Variants in SEM1 observed in about 807,000 individuals in gnomAD.
The protein encoded by SEM1 is SEM1 26S proteasome subunit.
A neutral mutation model predicts 12.7 loss-of-function variants in SEM1; 3 were observed. The ratio of observed to expected loss-of-function variants is 0.24; its 90% CI spans 0.11 to 0.61. SEM1 has a LOEUF of 0.61. Ranked by LOEUF, SEM1 falls within the 20% of genes least tolerant of loss-of-function variation. The pLI, the probability that SEM1 is intolerant of heterozygous loss-of-function variation, is 0.88. For synonymous variants in SEM1, 30 were observed against 27.8 expected, an observed-to-expected ratio of 1.08 and a Z score of -0.25; for missense variants, 59 against 81.3, an observed-to-expected ratio of 0.73 and a Z score of 1.06.
chr7:96,677,419 G>C (rs186175268), intron 2 of SEM1, among the ~76,000 whole-genome samples: 110 of 152,280 alleles, frequency 7.2e-4, no homozygotes, highest in African/African-American at 2.3e-3. Flanking sequence ...TTCTTCTCTA[G>C]CAGTTTGTGT....
At chr7:96,664,648 C>T (rs988828913) in intron 2 of SEM1, among the ~76,000 whole-genome samples, 1 of 152,154 alleles carries the variant, frequency 6.6e-6, no homozygotes, top group Non-Finnish European at 1.5e-5. Context: ...TGTTCACAGA[C>T]TCAGGGGGTT....
At chr7:96,615,194 A>G (rs943846097) in intron 2 of SEM1, among the ~76,000 whole-genome samples, 9 of 145,854 alleles carry the variant, frequency 6.2e-5, no homozygotes, top group Admixed American at 4.8e-4. Flanking sequence ...ACCAGTTTCC[A>G]TCATCCTCTT....
At chr7:96,512,917 A>G (rs775385040) in intron 2 of SEM1, among the ~76,000 whole-genome samples, 1 of 152,156 alleles carries the variant, frequency 6.6e-6, no homozygotes, top group Non-Finnish European at 1.5e-5. Flanking sequence ...TGAAGAGCAT[A>G]AACCACGTTT....
At chr7:96,700,953 A>C (rs931775727) in intron 1 of SEM1, among the ~76,000 whole-genome samples, 10 of 152,190 alleles carry the variant, frequency 6.6e-5, no homozygotes, top group Non-Finnish European at 1.2e-4. Flanking sequence ...AAAAACATTT[A>C]ATGGCAATTT....
chr7:96,544,423 G>A (rs181098133), intron 2 of SEM1, among the ~76,000 whole-genome samples: 15 of 152,004 alleles, frequency 9.9e-5, no homozygotes, highest in Non-Finnish European at 1.5e-4. Flanking sequence ...ATTATAAAGC[G>A]CTATAGAGAA....
intron 2 of SEM1, among the ~76,000 whole-genome samples, chr7:96,538,686 A>C (rs1407904037): frequency 6.6e-6 from 1 of 151,788 alleles, no homozygotes; most frequent in Non-Finnish European, 1.5e-5. Context: ...ATATACTCCC[A>C]TTGTTTAGGC....
intron 2 of SEM1, among the ~76,000 whole-genome samples, chr7:96,554,407 G>C (rs1034670580): frequency 7.3e-6 from 1 of 137,238 alleles, no homozygotes; most frequent in Non-Finnish European, 1.6e-5. Flanking sequence ...TAGCATGAAG[G>C]GTTGTTGTAT....
At chr7:96,549,717 T>A (rs995040952) in intron 2 of SEM1, among the ~76,000 whole-genome samples, 1 of 152,192 alleles carries the variant, frequency 6.6e-6, no homozygotes, top group African/African-American at 2.4e-5. Flanking sequence ...CCTTAAGTAT[T>A]TCCAGATATA....
chr7:96,607,026 T>C (rs1807401793), intron 2 of SEM1, among the ~76,000 whole-genome samples: 1 of 152,210 alleles, frequency 6.6e-6, no homozygotes, highest in South Asian at 2.1e-4. Flanking sequence ...TTATGGTGTT[T>C]ATACATTTCT....
At chr7:96,549,895 C>T (rs12530918) in intron 2 of SEM1, among the ~76,000 whole-genome samples, 92,587 of 151,150 alleles carry the variant, frequency 0.61, 29,037 homozygotes, top group Non-Finnish European at 0.69. Flanking sequence ...TGCACAATAG[C>T]ATTTCGGCTA....
chr7:96,683,928 A>T (rs930790118), downstream of SEM1, among the ~76,000 whole-genome samples: 1 of 152,108 alleles, frequency 6.6e-6, no homozygotes, highest in Admixed American at 6.6e-5. Context: ...CCTAATGTAG[A>T]TGATGGGTTG....
chr7:96,527,795 T>C (rs1804514352), intron 2 of SEM1, among the ~76,000 whole-genome samples: 1 of 152,166 alleles, frequency 6.6e-6, no homozygotes, highest in South Asian at 2.1e-4. Flanking sequence ...GCTGTTGGTT[T>C]CTCTCCTGAG....
downstream of SEM1, among the ~76,000 whole-genome samples, chr7:96,684,324 G>T (rs965995071): frequency 2.6e-5 from 4 of 152,022 alleles, no homozygotes; most frequent in Non-Finnish European, 5.9e-5. Flanking sequence ...GTCCATCCTT[G>T]TATCCAATCA....
chr7:96,519,469 T>C (rs983948048), intron 2 of SEM1, among the ~76,000 whole-genome samples: 1 of 152,008 alleles, frequency 6.6e-6, no homozygotes, highest in African/African-American at 2.4e-5. Context: ...AAAGGGTAGA[T>C]CAAGGTAAGT....
intron 2 of SEM1, among the ~76,000 whole-genome samples, chr7:96,537,659 A>C (rs1325408230): frequency 6.6e-6 from 1 of 151,224 alleles, no homozygotes; most frequent in Non-Finnish European, 1.5e-5. Flanking sequence ...TCCTTGCCCC[A>C]CTTTGGCTTC....
chr7:96,679,039 ACTT>A (rs753356044), intron 2 of SEM1, among the ~76,000 whole-genome samples: 68 of 152,246 alleles, frequency 4.5e-4, no homozygotes, highest in African/African-American at 1.5e-3. Flanking sequence ...ATATGAAGAA[ACTT>A]CTTCAATATA....
intron 2 of SEM1, among the ~76,000 whole-genome samples, chr7:96,598,779 G>C (rs570726796): frequency 6.6e-6 from 1 of 152,104 alleles, no homozygotes; most frequent in African/African-American, 2.4e-5. Flanking sequence ...TGTGGAAAAC[G>C]TTGGGTCTAT....
intron 2 of SEM1, among the ~76,000 whole-genome samples, chr7:96,525,515 T>C (rs1019759477): frequency 2.0e-5 from 3 of 152,200 alleles, no homozygotes; most frequent in Non-Finnish European, 4.4e-5. Flanking sequence ...TTTTGAACCA[T>C]CTGAATGTTC....
At chr7:96,610,530 A>G (rs987992037) in intron 2 of SEM1, among the ~76,000 whole-genome samples, 1 of 152,206 alleles carries the variant, frequency 6.6e-6, no homozygotes, top group Non-Finnish European at 1.5e-5. Context: ...GCTGTGCTCA[A>G]ATATCTGGCT....
Sources: gnomAD v4.1 joint callset for allele counts (sites outside exome capture counted in the v4.1 genomes callset) on GRCh38, gnomAD v4.1.1 for gene constraint, MANE v1.5 for transcripts, NCBI Gene and HGNC (gene_info 2026-07-23, HGNC 2026-07-21) for gene names.